Variants in MYO18B observed in about 807,000 individuals in gnomAD.
MYO18B encodes myosin XVIIIB.
In MYO18B, 204 loss-of-function variants were observed where a neutral mutation model predicts 273.0. That is an observed-to-expected ratio of 0.75 (90% CI 0.67 to 0.84). The LOEUF (loss-of-function observed/expected upper bound fraction) is 0.84. Ranked by LOEUF, MYO18B falls within the 40% of genes least tolerant of loss-of-function variation. The pLI is 0.00. For synonymous variants in MYO18B, 1,330 were observed against 1,305.7 expected, an observed-to-expected ratio of 1.02 and a Z score of -0.40; for missense variants, 3,212 against 3,287.6, an observed-to-expected ratio of 0.98 and a Z score of 0.56.
the MYO18B span, among the ~76,000 whole-genome samples, chr22:26,056,113 C>T: frequency 2.0e-5 from 3 of 152,126 alleles, no homozygotes; most frequent in African/African-American, 7.2e-5. Context: ...TTCCAGGTTG[C>T]TGAAGTTTTA....
At chr22:25,915,799 A>G (rs2092253018) in intron 33 of MYO18B, among the ~76,000 whole-genome samples, 1 of 152,196 alleles carries the variant, frequency 6.6e-6, no homozygotes, top group African/African-American at 2.4e-5. Context: ...TCGGATTGCT[A>G]ACAGTTTATT....
rs184171068 is a variant in MYO18B at position 25,861,024 on chromosome 22, G to A, written c.3886-7296G>A. The stretch of plus-strand genomic sequence containing the variant: ...CTATTTCAGCCCCCTGCGTTGCTCA[G>A]ACTACAGGCATATGCCACCACACCT... On this transcript the variant is annotated intron_variant, in intron 21 of 43. Coordinates refer to ENST00000335473, the MANE Select transcript of MYO18B (RefSeq NM_032608.7). Among the ~76,000 whole-genome samples, 3 of 152,084 alleles carry A rather than the reference G, an allele frequency of 2.0e-5. No individual in the cohort carries two copies. The East Asian group carries it at 5.8e-4, about 29-fold the overall frequency.
Position 25,902,715 on chromosome 22 carries a change from C to T in MYO18B, c.4926C>T (p.Gly1642=), listed in dbSNP as rs2091963301. The change falls in exon 30 of 44, where the codon GGC becomes GGT. Residue 1642 remains glycine (G), a synonymous_variant. Transcript: ENST00000335473. ...ACACCAGTGTCCGGTGGGAGCTAGG[C>T]CAGCTTCAGCAGCAGCTGAAGGTAA... ...QENTSVRWEL[G]QLQQQLKQKE... The T allele has an allele frequency of 1.9e-6, 3 of 1,586,310 alleles. No individual in the cohort carries two copies. The highest frequency in any genetic ancestry group is 1.8e-5 in the Admixed American group (1 of 56,192).
chr22:25,953,479 T>C (rs2092814799), intron 38 of MYO18B: 1 of 152,182 alleles, frequency 6.6e-6, no homozygotes, highest in African/African-American at 2.4e-5. Flanking sequence ...GAGGCTGCAT[T>C]CCTCATTCTG....
chr22:25,843,709 A>G (rs2090150857), intron 17 of MYO18B, 26 bp from the exon 18 acceptor site: 1 of 1,604,618 alleles, frequency 6.2e-7, no homozygotes, highest in Non-Finnish European at 8.5e-7. Context: ...AGGCTCCAGC[A>G]CTCATGCCAC....
intron 15 of MYO18B, among the ~76,000 whole-genome samples, chr22:25,829,466 T>A (rs2089623786): frequency 6.6e-6 from 1 of 151,610 alleles, no homozygotes; most frequent in Non-Finnish European, 1.5e-5. Context: ...AGAGAAACTC[T>A]GTGTGTGAAC....
rs10598069 is a variant in MYO18B, at chr22:25,787,272, G to GCACA, written c.2376+1816_2376+1819dup. 2.5e-3 allele frequency among the ~76,000 whole-genome samples: 348 copies of GCACA among 136,704 alleles called. 2 individuals carry two copies. Among genetic ancestry groups the GCACA allele is most frequent in the African/African-American group, 8.3e-3 (325 of 39,158 alleles). The allele number at this position is 136,704 out of a possible 152,430, so 89.7% of individuals were successfully genotyped here. On this transcript the variant is annotated intron_variant, in intron 11 of 43. Coordinates refer to ENST00000335473, the MANE Select transcript of MYO18B (RefSeq NM_032608.7). Reference sequence around the variant, plus strand: ...TAAGCCTGTGTGCGTGCAGGCGCGCGCACACACACACACACACACACACAC... The same window carrying GCACA: ...TAAGCCTGTGTGCGTGCAGGCGCGCGCACACACACACACACACACACACACACAC...
At chr22:25,824,812 T>C (rs549815835) in intron 13 of MYO18B, among the ~76,000 whole-genome samples, 7 of 151,406 alleles carry the variant, frequency 4.6e-5, no homozygotes, top group Admixed American at 1.3e-4. Flanking sequence ...TACACACACA[T>C]GCTTATGCAC....
intron 1 of MYO18B, among the ~76,000 whole-genome samples, chr22:25,749,101 A>G (rs1433512835): frequency 6.6e-6 from 1 of 152,064 alleles, no homozygotes; most frequent in East Asian, 1.9e-4. Flanking sequence ...TTCCCATGTA[A>G]CCCACGAGGC....
At chr22:25,925,088 A>G (rs780404337) in intron 34 of MYO18B, among the ~76,000 whole-genome samples, 13 of 152,212 alleles carry the variant, frequency 8.5e-5, no homozygotes, top group Admixed American at 2.0e-4. Context: ...GGTTTGACCA[A>G]TACGGGTCCT....
At chr22:25,824,162 T>A (rs982804083) in intron 13 of MYO18B, among the ~76,000 whole-genome samples, 4 of 151,648 alleles carry the variant, frequency 2.6e-5, no homozygotes, top group Non-Finnish European at 5.9e-5. Flanking sequence ...AGCCGTGGAG[T>A]GGCTTAGGCA....
chr22:25,941,573 C>T (rs530426510), intron 34 of MYO18B, among the ~76,000 whole-genome samples: 6 of 152,240 alleles, frequency 3.9e-5, no homozygotes, highest in Non-Finnish European at 8.8e-5. Context: ...CAAACAGCCT[C>T]CGTATGGAAA....
chr22:25,796,658 C>T (rs1321087576), intron 11 of MYO18B, among the ~76,000 whole-genome samples: 3 of 151,986 alleles, frequency 2.0e-5, no homozygotes, highest in Non-Finnish European at 4.4e-5. Context: ...AAAACAAGTG[C>T]CATTTCCTTT....
Position 25,932,419 on chromosome 22 carries a change from TTTC to T in MYO18B, c.5517+11013_5517+11015del, listed in dbSNP as rs1255224902. Among the ~76,000 whole-genome samples, 71 of 144,680 alleles carry T rather than the reference TTTC, an allele frequency of 4.9e-4. 4 individuals carry two copies. The highest frequency in any genetic ancestry group is 7.0e-4 in the Non-Finnish European group (46 of 65,432). 94.9% of individuals were successfully genotyped at this position (144,680 alleles called of 152,430 possible). On this transcript the variant is annotated intron_variant, in intron 34 of 43. Transcript: ENST00000335473. ...TCTTTTTTCTTTTCTTTCTTTTTTT[TTTC>T]TTTGAGACACAGTTTTGCTCTTGTC...
chr22:25,764,566 C>T (rs133893), intron 3 of MYO18B, among the ~76,000 whole-genome samples: 37,482 of 152,102 alleles, frequency 0.25, 4,939 homozygotes, highest in African/African-American at 0.33. Context: ...TGTGCCTGCA[C>T]CTGTCTGATG....
intron 7 of MYO18B, among the ~76,000 whole-genome samples, chr22:25,774,194 C>G (rs924454591): frequency 2.0e-5 from 3 of 152,198 alleles, no homozygotes; most frequent in Non-Finnish European, 2.9e-5. Flanking sequence ...CAAGATTTTT[C>G]TCCTCCAGAG....
At position 25,961,984 on chromosome 22, in the gene MYO18B, G is replaced by C. The variant is rs145418609; in HGVS notation, c.6156+6620G>C. On this transcript the variant is annotated intron_variant, in intron 39 of 43. Coordinates refer to ENST00000335473, the MANE Select transcript of MYO18B (RefSeq NM_032608.7). ...GCACATATCAGCTCCCCTTCCCTTT[G>C]TGTCATGAGTGGAAGCAGCTAAGGC... Among the ~76,000 whole-genome samples, 716 of 152,214 alleles carry C rather than the reference G, an allele frequency of 4.7e-3. 8 individuals are homozygous for C. Among genetic ancestry groups the C allele is most frequent in the South Asian group, 0.021 (101 of 4,822 alleles).
At chr22:25,782,379 G>A (rs1449266536) in intron 10 of MYO18B, among the ~76,000 whole-genome samples, 1 of 152,140 alleles carries the variant, frequency 6.6e-6, no homozygotes, top group Non-Finnish European at 1.5e-5. Context: ...TGTATGGTAG[G>A]GTATGCCTAC....
In MYO18B at chr22:25,768,930, AG is replaced by A; in HGVS notation, c.1018del (p.Val340CysfsTer3). The A allele has an allele frequency of 6.2e-7, 1 of 1,612,526 alleles. No homozygotes were observed. The highest frequency in any genetic ancestry group is 1.3e-5 in the African/African-American group (1 of 75,050). ...DGPQNKKDKE[G>X]VLLSKAEKTG... ...GTCCCCAGAATAAGAAGGACAAAGA[AG>A]GGGTGCTCTTAAGTAAGGCAGAGAA... On this transcript the variant is annotated frameshift_variant, in exon 4 of 44. Transcript: ENST00000335473. LOFTEE classifies it high-confidence loss of function.
Sources: gnomAD v4.1 joint callset for allele counts (sites outside exome capture counted in the v4.1 genomes callset) on GRCh38, gnomAD v4.1.1 for gene constraint, MANE v1.5 for transcripts, NCBI Gene and HGNC (gene_info 2026-07-23, HGNC 2026-07-21) for gene names.